The following SYNE1 variants were observed in gnomAD, a reference collection of about 807,000 sequenced individuals.
The protein encoded by SYNE1 is nesprin-1.
In SYNE1, 616 loss-of-function variants were observed where a neutral mutation model predicts 1,111.0. The ratio of observed to expected loss-of-function variants is 0.55; its 90% CI spans 0.52 to 0.59. The LOEUF (loss-of-function observed/expected upper bound fraction) is 0.59, where lower values mean the gene tolerates loss of function less well. Among genes scored for constraint, SYNE1 ranks in the 20% least tolerant of loss-of-function variants. The pLI is 0.00. For missense variants in SYNE1, 10,006 were observed against 10,417.0 expected (o/e 0.96, Z 1.72); for synonymous variants, 3,855 against 3,825.8 (o/e 1.01, Z -0.28).
At chr6:152,493,251 C>T (rs942623036) in intron 11 of SYNE1, among the ~76,000 whole-genome samples, 1 of 151,972 alleles carries the variant, frequency 6.6e-6, no homozygotes, top group African/African-American at 2.4e-5. Flanking sequence ...GGATCTTCAC[C>T]TTATCAAAAA....
intron 91 of SYNE1, among the ~76,000 whole-genome samples, chr6:152,308,230 G>A (rs921425392): frequency 6.6e-6 from 1 of 152,138 alleles, no homozygotes; most frequent in African/African-American, 2.4e-5. Context: ...TCTGGGTGCA[G>A]GAGATGATAA....
intron 67 of SYNE1, among the ~76,000 whole-genome samples, chr6:152,354,316 C>A (rs2096796372): frequency 6.6e-6 from 1 of 152,124 alleles, no homozygotes; most frequent in East Asian, 1.9e-4. Flanking sequence ...AAAACTAATT[C>A]TCAAGTACTA....
intron 98 of SYNE1, among the ~76,000 whole-genome samples, chr6:152,271,311 C>T (rs1173182390): frequency 6.6e-6 from 1 of 152,104 alleles, no homozygotes; most frequent in Non-Finnish European, 1.5e-5. Context: ...GGTGTCGGTG[C>T]TTGAAGCTAA....
At position 152,429,531 on chromosome 6, in the gene SYNE1, C is replaced by T. The variant is rs993626967; in HGVS notation, c.4788+581G>A. 2.0e-5 allele frequency among the ~76,000 whole-genome samples: 3 copies of T among 152,250 alleles called. No individual in the cohort carries two copies. In the East Asian group the frequency reaches 5.8e-4, roughly 29 times the overall value. ...ATACACCTTTATAAATGTTCGTGCA[C>T]ACATGAACATGCAATATGAATCATA... On this transcript the variant is annotated intron_variant, in intron 36 of 145. Coordinates refer to ENST00000367255, the MANE Select transcript of SYNE1 (RefSeq NM_182961.4).
intron 76 of SYNE1, 79 bp from the exon 77 acceptor site, chr6:152,334,352 G>A (rs2096327686): frequency 1.3e-6 from 2 of 1,516,440 alleles, no homozygotes; most frequent in Non-Finnish European, 1.8e-6. Context: ...ACAGACATAA[G>A]ACCTTTAAAC....
At chr6:152,332,460 G>A (rs1457569856) in intron 77 of SYNE1, among the ~76,000 whole-genome samples, 2 of 152,196 alleles carry the variant, frequency 1.3e-5, no homozygotes, top group East Asian at 1.9e-4. Flanking sequence ...AATCAAATCA[G>A]AATATGCTTT....
chr6:152,416,963 C>T lies in SYNE1; in HGVS notation c.5474G>A (p.Gly1825Asp), dbSNP rs1326049981. 2 of 1,614,204 alleles carry T rather than the reference C, an allele frequency of 1.2e-6. No individual in the cohort carries two copies. The highest frequency in any genetic ancestry group is 1.7e-6 in the Non-Finnish European group (2 of 1,180,038). Residue 1825 changes from glycine to aspartate, a missense_variant, in exon 41 of 146, where the codon GGT (glycine) becomes GAT (aspartate). Physicochemically the swap from Gly to Asp is moderately conservative, Grantham distance 94 (BLOSUM62 -1). Around this residue, in one of 7 missense-constraint regions of SYNE1, gnomAD observed 4,955 missense variants for 5,017.2 expected, o/e 0.99. Transcript: ENST00000367255. ...CAGAGAACCCAACTTTGCTAAGTGA[C>T]CCTGCAGACTCTGCAATTCGCCCTT... is the stretch of plus-strand genomic sequence containing the variant. ...SKKGELQSLQ[G>D]HLAKLGSLGR...
intron 11 of SYNE1, among the ~76,000 whole-genome samples, chr6:152,492,022 A>T (rs1269930820): frequency 6.6e-6 from 1 of 152,140 alleles, no homozygotes; most frequent in East Asian, 1.9e-4. Flanking sequence ...AGGTGGCTGC[A>T]GCTCAAGGCA....
intron 29 of SYNE1, among the ~76,000 whole-genome samples, chr6:152,446,987 CATG>C: frequency 6.6e-6 from 1 of 152,126 alleles, no homozygotes; most frequent in Non-Finnish European, 1.5e-5. Flanking sequence ...GCATTTAATT[CATG>C]ATACTTCTTT....
At chr6:152,612,191 A>T (rs988669012) in intron 3 of SYNE1, among the ~76,000 whole-genome samples, 1 of 152,010 alleles carries the variant, frequency 6.6e-6, no homozygotes, top group African/African-American at 2.4e-5. Context: ...CCCTTCAAAA[A>T]ATCAATGAAT....
chr6:152,559,570 A>C (rs2099387932), intron 3 of SYNE1, among the ~76,000 whole-genome samples: 1 of 152,234 alleles, frequency 6.6e-6, no homozygotes, highest in African/African-American at 2.4e-5. Flanking sequence ...GAAACCAAAA[A>C]ATATCTTGAG....
chr6:152,132,561 A>G (rs1215792921), intron 143 of SYNE1, among the ~76,000 whole-genome samples: 1 of 152,250 alleles, frequency 6.6e-6, no homozygotes, highest in Admixed American at 6.5e-5. Context: ...CCTGCTGGTC[A>G]CTCAGGCTGA....
intron 109 of SYNE1, 119 bp downstream of exon 109, chr6:152,236,698 G>T: frequency 8.2e-7 from 1 of 1,225,248 alleles, no homozygotes; most frequent in Non-Finnish European, 1.2e-6. Context: ...TCCTTTCAAT[G>T]TCAATAACTT....
chr6:152,135,083 G>A, intron 142 of SYNE1, 21 bp downstream of exon 142: 1 of 1,613,972 alleles, frequency 6.2e-7, no homozygotes, highest in Non-Finnish European at 8.5e-7. Context: ...ACTGGAGGCT[G>A]CCAGAGTTCA....
chr6:152,522,571 C>T (rs1039195921), intron 5 of SYNE1, among the ~76,000 whole-genome samples: 41 of 151,990 alleles, frequency 2.7e-4, no homozygotes, highest in African/African-American at 9.4e-4. Context: ...GGGTAGACAC[C>T]CAGTAGTGGG....
At chr6:152,138,611 A>G (rs923542522) in intron 140 of SYNE1, among the ~76,000 whole-genome samples, 4 of 152,092 alleles carry the variant, frequency 2.6e-5, no homozygotes, top group African/African-American at 9.7e-5. Flanking sequence ...CATCAACCCC[A>G]AATAAAAAGC....
chr6:152,347,130 T>A lies in SYNE1; in HGVS notation c.12007A>T (p.Lys4003Ter). 1 of 1,614,208 alleles carries A rather than the reference T, an allele frequency of 6.2e-7. No individual in the cohort carries two copies. Among genetic ancestry groups the A allele is most frequent in the Non-Finnish European group, 8.5e-7 (1 of 1,180,042 alleles). The stretch of plus-strand genomic sequence containing the variant: ...TGCAGATGAGCATGCACGTTTTGTT[T>A]AAGTTTCGCTTGCAGGTGGTCTGCA... ...QCADHLQAKL[K>*]QNVHAHLQGT... The change falls in exon 73 of 146, where the codon AAA becomes TAA. Residue 4003 changes from lysine to a stop codon, truncating the protein, a stop_gained. Transcript: ENST00000367255. LOFTEE classifies it high-confidence loss of function.
intron 103 of SYNE1, 22 bp downstream of exon 103, chr6:152,255,569 A>T (rs373575018): frequency 1.9e-6 from 3 of 1,613,816 alleles, no homozygotes; most frequent in Non-Finnish European, 2.5e-6. Context: ...ATACACACAC[A>T]GGCAGGAACT....
At chr6:152,382,414 A>G (rs1357389647) in intron 55 of SYNE1, among the ~76,000 whole-genome samples, 1 of 152,208 alleles carries the variant, frequency 6.6e-6, no homozygotes, top group African/African-American at 2.4e-5. Context: ...TAACTAGTCT[A>G]TATAATATAG....
Sources: allele counts gnomAD v4.1 joint callset (sites outside exome capture counted in the v4.1 genomes callset), GRCh38; gene constraint gnomAD v4.1.1; regional missense constraint gnomAD v4.1.1; transcripts MANE v1.5; gene names NCBI Gene and HGNC (gene_info 2026-07-23, HGNC 2026-07-21).